Variants in NCBP1 observed in about 807,000 individuals in gnomAD.
NCBP1 encodes nuclear cap binding protein subunit 1, also known as nuclear cap-binding protein subunit 1.
NCBP1 carries 16 observed loss-of-function variants against 111.7 expected under a neutral mutation model. The observed-to-expected ratio is 0.14, with a 90% CI of 0.10 to 0.22. The LOEUF is 0.22. Ranked by LOEUF, NCBP1 falls within the 10% of genes least tolerant of loss-of-function variation. NCBP1 has a pLI of 1.00. For missense variants in NCBP1, 607 were observed against 957.5 expected (o/e 0.63, Z 4.83); for synonymous variants, 304 against 314.3 (o/e 0.97, Z 0.35).
intron 9 of NCBP1, among the ~76,000 whole-genome samples, chr9:97,651,065 A>G (rs1052290153): frequency 6.6e-6 from 1 of 152,286 alleles, no homozygotes; most frequent in South Asian, 2.1e-4. Flanking sequence ...GTACATCTGA[A>G]TATGCTTCCT....
intron 4 of NCBP1, among the ~76,000 whole-genome samples, chr9:97,644,170 C>T (rs1827273555): frequency 6.6e-6 from 1 of 152,142 alleles, no homozygotes; most frequent in Admixed American, 6.6e-5. Context: ...GATATGTGAT[C>T]AAATTCTTTT....
rs758345054 is a variant in NCBP1 at position 97,654,942 on chromosome 9, C to T, written c.1233C>T (p.Asp411=). The change falls in exon 12 of 23, where the codon GAC becomes GAT. Residue 411 remains aspartate, a splice_region_variant and synonymous_variant. Coordinates refer to ENST00000375147, the MANE Select transcript of NCBP1 (RefSeq NM_002486.5). ...ACACAATGAACACTACCTGTGTAGA[C>T]AGGTACAGTAATCGCTTTACTGCTG... The part of the protein sequence containing the change: ...RLDTMNTTCV[D]RFINWFSHHL... 4.4e-6 allele frequency: 7 copies of T among 1,596,012 alleles called. No individual in the cohort carries two copies. Among genetic ancestry groups the T allele is most frequent in the Non-Finnish European group, 3.4e-6 (4 of 1,172,392 alleles).
At chr9:97,655,940 A>G in intron 13 of NCBP1, 71 bp from the exon 14 acceptor site, 1 of 1,451,876 alleles carries the variant, frequency 6.9e-7, no homozygotes. Flanking sequence ...AAGTTAACAG[A>G]TAATTATAGT....
chr9:97,669,808 C>A, intron 22 of NCBP1, 102 bp downstream of exon 22: 1 of 782,700 alleles, frequency 1.3e-6, no homozygotes, highest in East Asian at 2.7e-5. Flanking sequence ...TATATAGTAC[C>A]TGTTAGACCC....
At chr9:97,639,514 A>T (rs73498324) in intron 1 of NCBP1, among the ~76,000 whole-genome samples, 14 of 152,038 alleles carry the variant, frequency 9.2e-5, no homozygotes, top group Non-Finnish European at 1.5e-4. Context: ...GGCTGTTCAG[A>T]TCTGAAGATT....
At position 97,646,821 on chromosome 9, in the gene NCBP1, C is replaced by T. The variant is rs1384052921; in HGVS notation, c.612-671C>T. ...CGCCACTGCACTCCAGCCTGGGCAA[C>T]AGAGTGAGACTCCGTCTCAAAAAAA... On this transcript the variant is annotated intron_variant, in intron 6 of 22. Coordinates refer to ENST00000375147, the MANE Select transcript of NCBP1 (RefSeq NM_002486.5). 2.5e-5 allele frequency among the ~76,000 whole-genome samples: 3 copies of T among 119,974 alleles called. No individual in the cohort carries two copies. The Admixed American group carries it at 3.6e-4, about 14-fold the overall frequency. The allele number at this position is 119,974 out of a possible 152,430, so 78.7% of individuals were successfully genotyped here.
chr9:97,656,137 C>T (rs1055129526), intron 14 of NCBP1, 52 bp downstream of exon 14: 1 of 1,362,344 alleles, frequency 7.3e-7, no homozygotes, highest in Non-Finnish European at 1.0e-6. Flanking sequence ...ATTTCTTTCT[C>T]TTCTCTGCAC....
intron 9 of NCBP1, 58 bp downstream of exon 9, chr9:97,650,658 A>G: frequency 1.4e-6 from 2 of 1,422,226 alleles, no homozygotes; most frequent in Non-Finnish European, 2.0e-6. Context: ...TTGATAATTC[A>G]GTAAGAGCAA....
intron 20 of NCBP1, 26 bp downstream of exon 20, chr9:97,666,903 A>G: frequency 1.4e-6 from 2 of 1,456,454 alleles, no homozygotes; most frequent in Non-Finnish European, 1.9e-6. Flanking sequence ...ACTTGTAAGT[A>G]GTTAAAGAAA....
intron 21 of NCBP1, 79 bp from the exon 22 acceptor site, chr9:97,669,514 G>T: frequency 1.1e-6 from 1 of 913,326 alleles, no homozygotes. Flanking sequence ...CAATACTTTG[G>T]GGTTTCTTTG....
intron 19 of NCBP1, among the ~76,000 whole-genome samples, 180 bp from the exon 20 acceptor site, chr9:97,666,583 T>G (rs1587726467): frequency 6.6e-6 from 1 of 152,330 alleles, no homozygotes; most frequent in Non-Finnish European, 1.5e-5. Context: ...TGAAGATAGA[T>G]ACTTGCACAA....
At chr9:97,636,473 A>ATATATTTATATATTATATAAATT (rs1020186522) in intron 1 of NCBP1, among the ~76,000 whole-genome samples, 3 of 145,932 alleles carry the variant, frequency 2.1e-5, no homozygotes, top group African/African-American at 7.4e-5. Flanking sequence ...AATGTATTAT[A>ATATATTTATATATTATATAAATT]TATATTTATA....
Position 97,668,883 on chromosome 9 carries a change from A to G in NCBP1, c.2054A>G (p.Asp685Gly). The change falls in exon 21 of 23, where the codon GAC becomes GGC. Residue 685 changes from aspartate (D) to glycine (G), a missense_variant. Physicochemically the swap from Asp to Gly is moderately conservative, Grantham distance 94. Transcript: ENST00000375147. ...GACGACAGAAGCAGTGACAGGAAAG[A>G]CGGGGTTCTTGAGGAACAAATAGAA... ...DDDDRSSDRK[D>G]GVLEEQIERL... 1 of 1,613,856 alleles carries G rather than the reference A, an allele frequency of 6.2e-7. No homozygotes were observed. The highest frequency in any genetic ancestry group is 1.1e-5 in the South Asian group (1 of 91,058).
intron 22 of NCBP1, among the ~76,000 whole-genome samples, chr9:97,670,855 T>C (rs534133757): frequency 1.3e-5 from 2 of 152,362 alleles, no homozygotes; most frequent in Admixed American, 1.3e-4. Context: ...TACATAGAAG[T>C]TGGTAAGAAC....
chr9:97,643,420 A>G, intron 4 of NCBP1, 60 bp downstream of exon 4: 2 of 1,416,226 alleles, frequency 1.4e-6, no homozygotes. Flanking sequence ...GAAAAGGTGA[A>G]CTACAACCAA....
At chr9:97,649,811 G>T in intron 8 of NCBP1, among the ~76,000 whole-genome samples, 1 of 146,374 alleles carries the variant, frequency 6.8e-6, no homozygotes, top group African/African-American at 2.5e-5. Flanking sequence ...GTATTTAATT[G>T]GTATCACCTC....
At chr9:97,643,052 C>G in intron 3 of NCBP1, 152 bp from the exon 4 acceptor site, 1 of 691,264 alleles carries the variant, frequency 1.4e-6, no homozygotes, top group Non-Finnish European at 2.2e-6. Context: ...TAACATTTCT[C>G]AATGACATGC....
At chr9:97,637,015 A>G (rs1827060801) in intron 1 of NCBP1, among the ~76,000 whole-genome samples, 1 of 152,170 alleles carries the variant, frequency 6.6e-6, no homozygotes, top group Non-Finnish European at 1.5e-5. Context: ...CAAAAGCCTG[A>G]AGACTATAGG....
At chr9:97,646,561 C>T (rs1027656364) in intron 6 of NCBP1, among the ~76,000 whole-genome samples, 4 of 152,032 alleles carry the variant, frequency 2.6e-5, no homozygotes, top group African/African-American at 9.7e-5. Flanking sequence ...TTTGGCCGGG[C>T]GCAGTGGCTC....
Sources: allele counts gnomAD v4.1 joint callset (sites outside exome capture counted in the v4.1 genomes callset), GRCh38; gene constraint gnomAD v4.1.1; transcripts MANE v1.5; gene names NCBI Gene and HGNC (gene_info 2026-07-23, HGNC 2026-07-21).